The following POLN variants were observed in gnomAD, a reference collection of about 807,000 sequenced individuals.
POLN encodes the protein DNA polymerase nu, also known as DNA polymerase N.
A neutral mutation model predicts 113.5 loss-of-function variants in POLN; 108 were observed. That is an observed-to-expected ratio of 0.95 (90% CI 0.81 to 1.12). The LOEUF is 1.12. POLN is among the 50% of genes most tolerant of loss of function. The pLI is 0.00. For synonymous variants in POLN, 386 were observed against 391.5 expected, an observed-to-expected ratio of 0.99 and a Z score of 0.17; for missense variants, 1,097 against 1,077.1, an observed-to-expected ratio of 1.02 and a Z score of -0.26.
At chr4:2,090,408 G>C in intron 20 of POLN, 1 of 618,772 alleles carries the variant, frequency 1.6e-6, no homozygotes, top group South Asian at 2.2e-5. Flanking sequence ...TGAGCTGATG[G>C]TTCGAAACAT....
At chr4:2,219,630 C>G (rs1734206088) in intron 3 of POLN, among the ~76,000 whole-genome samples, 1 of 152,178 alleles carries the variant, frequency 6.6e-6, no homozygotes, top group Non-Finnish European at 1.5e-5. Context: ...CCCTCATCAG[C>G]TTTCATTATT....
At chr4:2,196,099 T>C (rs1733566137) in intron 6 of POLN, among the ~76,000 whole-genome samples, 1 of 152,156 alleles carries the variant, frequency 6.6e-6, no homozygotes, top group Non-Finnish European at 1.5e-5. Flanking sequence ...TTCAGAAAAA[T>C]CATGAATAAT....
rs371706175 is a variant in POLN at position 2,208,341 on chromosome 4, T to C, written c.360A>G (p.Pro120=). ...GAACTGAAGCCTCTTGATTATACTG[T>C]GGAATTAAACAACTTGAAAGAGTCA... The part of the protein sequence containing the change: ...SSLTLSSCLI[P]QYNQEASVLQ... Residue 120 remains proline (P), a synonymous_variant, in exon 5 of 26, where the codon CCA becomes CCG. Coordinates refer to ENST00000511885, the MANE Select transcript of POLN (RefSeq NM_181808.4). 6.2e-7 allele frequency: 1 copy of C among 1,613,274 alleles called. No individual in the cohort carries two copies. Among genetic ancestry groups the C allele is most frequent in the African/African-American group, 1.3e-5 (1 of 74,914 alleles).
At chr4:2,195,699 G>A (rs1015640680) in intron 6 of POLN, among the ~76,000 whole-genome samples, 2 of 152,030 alleles carry the variant, frequency 1.3e-5, no homozygotes, top group Non-Finnish European at 2.9e-5. Flanking sequence ...GCTCAGGCTA[G>A]TCTCAAACTC....
At chr4:2,240,656 T>G (rs747058117) in intron 2 of POLN, 2 of 1,613,968 alleles carry the variant, frequency 1.2e-6, no homozygotes, top group Non-Finnish European at 1.7e-6. Flanking sequence ...TCTCCAGCTC[T>G]TTATCATCCA....
At position 2,093,922 on chromosome 4, in the gene POLN, G is replaced by A. The variant is rs1274268373; in HGVS notation, c.2065+1929C>T. Among the ~76,000 whole-genome samples the A allele has an allele frequency of 1.3e-5, 2 of 152,210 alleles. No individual in the cohort carries two copies. The highest frequency in any genetic ancestry group is 2.9e-5 in the Non-Finnish European group (2 of 68,042). On this transcript the variant is annotated intron_variant, in intron 20 of 25. Coordinates refer to ENST00000511885, the MANE Select transcript of POLN (RefSeq NM_181808.4). The surrounding 1 kb of genome is among the most constrained non-coding windows in gnomAD (Gnocchi z 4.1). ...TCTCTGTGCCAGGCAGTGAGCTAAC[G>A]TGATGAGCTCCTATCTTTGAGGTAC...
intron 2 of POLN, chr4:2,236,264 C>A (rs1734760828): frequency 1.2e-6 from 2 of 1,613,272 alleles, no homozygotes; most frequent in East Asian, 4.5e-5. Context: ...CTCCTTGATA[C>A]AAAGTATCAC....
At chr4:2,140,152 C>T (rs1031088352) in intron 16 of POLN, 7 of 152,184 alleles carry the variant, frequency 4.6e-5, no homozygotes, top group Admixed American at 1.3e-4. Flanking sequence ...AATCTTGGCT[C>T]ACTACAACCT....
Position 2,081,694 on chromosome 4 carries a change from G to C in POLN, c.2247C>G (p.His749Gln). Residue 749 changes from histidine to glutamine, a missense_variant, in exon 22 of 26, where the codon CAC becomes CAG. Coordinates refer to ENST00000511885, the MANE Select transcript of POLN (RefSeq NM_181808.4). ...GTGCCCGGAGTTGCTGGTCATGAGC[G>C]TGAATCCTTGGCAGGGGTCTCCTTC... The part of the protein sequence containing the change: ...MGRRRPLPRI[H>Q]AHDQQLRAQA... 2 of 1,614,174 alleles carry C rather than the reference G, an allele frequency of 1.2e-6. No homozygotes were observed. The highest frequency in any genetic ancestry group is 1.1e-5 in the South Asian group (1 of 91,088).
chr4:2,135,528 C>T (rs1731833745), intron 16 of POLN, among the ~76,000 whole-genome samples: 1 of 152,234 alleles, frequency 6.6e-6, no homozygotes, highest in Non-Finnish European at 1.5e-5. Flanking sequence ...GACAGAGTGC[C>T]GTCCCTAACG....
intron 3 of POLN, among the ~76,000 whole-genome samples, chr4:2,225,129 T>C (rs981098928): frequency 5.9e-5 from 9 of 151,902 alleles, no homozygotes; most frequent in Non-Finnish European, 1.2e-4. Flanking sequence ...ATATAAATTA[T>C]AATCATAGAA....
chr4:2,185,853 C>T lies in POLN; in HGVS notation c.1022-6388G>A, dbSNP rs1471141790. ...ATAAACAAAAACAGTTATAGAACAA[C>T]TAGGGAAGTGCAAACACTGACTAGA... is the stretch of plus-strand genomic sequence containing the variant. On this transcript the variant is annotated intron_variant, in intron 7 of 25. Transcript: ENST00000511885. Among the ~76,000 whole-genome samples the T allele has an allele frequency of 2.6e-5, 4 of 152,094 alleles. No homozygotes were observed. The East Asian group carries it at 7.7e-4, about 29-fold the overall frequency.
At chr4:2,084,760 G>C (rs1489459681) in intron 21 of POLN, among the ~76,000 whole-genome samples, 1 of 152,208 alleles carries the variant, frequency 6.6e-6, no homozygotes, top group African/African-American at 2.4e-5. Flanking sequence ...TAAGATGCTG[G>C]TCCTGCTGAG....
At chr4:2,230,766 A>G (rs1259045489) in intron 2 of POLN, 1 of 152,150 alleles carries the variant, frequency 6.6e-6, no homozygotes, top group East Asian at 1.9e-4. Context: ...TATTCCTACA[A>G]AGCTCACATG....
At chr4:2,107,012 G>A (rs1040729760) in intron 19 of POLN, among the ~76,000 whole-genome samples, 1 of 152,016 alleles carries the variant, frequency 6.6e-6, no homozygotes, top group African/African-American at 2.4e-5. Context: ...TCATAAAATT[G>A]AAGTTTCCAA....
intron 7 of POLN, among the ~76,000 whole-genome samples, chr4:2,185,905 G>A (rs1317431221): frequency 3.3e-5 from 5 of 152,176 alleles, no homozygotes; most frequent in African/African-American, 1.2e-4. Flanking sequence ...GAGATTATTG[G>A]TAATAGAGTG....
intron 3 of POLN, among the ~76,000 whole-genome samples, chr4:2,218,148 G>A (rs1734156179): frequency 6.6e-6 from 1 of 151,900 alleles, no homozygotes; most frequent in Admixed American, 6.6e-5. Flanking sequence ...ATAAAAAAAG[G>A]TGGCCAGGCG....
chr4:2,151,379 A>C (rs1732291985), intron 16 of POLN, among the ~76,000 whole-genome samples: 1 of 152,228 alleles, frequency 6.6e-6, no homozygotes, highest in Non-Finnish European at 1.5e-5. Flanking sequence ...CAAATGGTAG[A>C]ACCACTCTGG....
At chr4:2,210,618 TAATAATAATAATAA>T (rs1560095098) in intron 4 of POLN, among the ~76,000 whole-genome samples, 1 of 133,482 alleles carries the variant, frequency 7.5e-6, no homozygotes, top group African/African-American at 3.2e-5. Context: ...ATAATAATAA[TAATAATAATAATAA>T]AAAAAAGAGG....
Sources: gnomAD v4.1 joint callset for allele counts (sites outside exome capture counted in the v4.1 genomes callset) on GRCh38, gnomAD v4.1.1 for gene constraint, Gnocchi (gnomAD v3.1) non-coding constraint, MANE v1.5 for transcripts, NCBI Gene and HGNC (gene_info 2026-07-23, HGNC 2026-07-21) for gene names.